Variants in KCNJ10 observed in about 807,000 individuals in gnomAD.
KCNJ10 encodes ATP-sensitive inward rectifier potassium channel 10.
In KCNJ10, 9 loss-of-function variants were observed where a neutral mutation model predicts 22.2. The ratio of observed to expected loss-of-function variants is 0.40; its 90% CI spans 0.24 to 0.71. KCNJ10 has a LOEUF of 0.71. KCNJ10 is among the 30% of genes least tolerant of loss of function. The pLI is 0.35. For synonymous variants in KCNJ10, 184 were observed against 187.3 expected (o/e 0.98, Z 0.15); for missense variants, 337 against 482.7 (o/e 0.70, Z 2.83).
Position 160,040,619 on chromosome 1 carries a change from A to G in KCNJ10, c.*774T>C, listed in dbSNP as rs1648578263. 1 of 398,704 alleles carries G rather than the reference A, an allele frequency of 2.5e-6. No homozygotes were observed. Among genetic ancestry groups the G allele is most frequent in the Non-Finnish European group, 4.4e-6 (1 of 226,228 alleles). 24.7% of individuals were successfully genotyped at this position (398,704 alleles called of 1,614,324 possible). ...TGGGCTGCCTGGAAGATAGGTTTAA[A>G]GGTTTAGATAACAACTTGTGTTAGT... On this transcript the variant is annotated 3_prime_UTR_variant, in exon 2 of 2. Coordinates refer to ENST00000644903, the MANE Select transcript of KCNJ10 (RefSeq NM_002241.5).
Position 160,040,533 on chromosome 1 carries a change from T to C in KCNJ10, c.*860A>G. 5.0e-6 allele frequency: 2 copies of C among 398,722 alleles called. No homozygotes were observed. The highest frequency in any genetic ancestry group is 8.8e-6 in the Non-Finnish European group (2 of 226,144). The allele number at this position is 398,722 out of a possible 1,614,324, so 24.7% of individuals were successfully genotyped here. A position where few individuals can be genotyped will look rare whatever the true frequency, so the allele number is the denominator to read the frequency against. The stretch of plus-strand genomic sequence containing the variant: ...ATGGGGCCTGGGTACTGGACTCTTT[T>C]CAAAGGAACATATTGGCTTGGGTCC... On this transcript the variant is annotated 3_prime_UTR_variant, in exon 2 of 2. Transcript: ENST00000644903.
chr1:160,054,276 G>A (rs1019656832), intron 1 of KCNJ10, among the ~76,000 whole-genome samples: 59 of 152,292 alleles, frequency 3.9e-4, no homozygotes, highest in African/African-American at 7.2e-4. Context: ...ACAGGAGCTG[G>A]TCCTTTGTGA....
At chr1:160,051,742 A>G (rs973388593) in intron 1 of KCNJ10, among the ~76,000 whole-genome samples, 1 of 151,960 alleles carries the variant, frequency 6.6e-6, no homozygotes, top group Non-Finnish European at 1.5e-5. Flanking sequence ...CTAGTTTTGC[A>G]TGATTTGTCT....
At chr1:160,043,878 C>T (rs777169455) in intron 1 of KCNJ10, among the ~76,000 whole-genome samples, 3 of 152,240 alleles carry the variant, frequency 2.0e-5, no homozygotes, top group African/African-American at 7.2e-5. Context: ...ATTTTAATCA[C>T]TTGAGCCCTT....
chr1:160,048,172 T>C (rs961860211), intron 1 of KCNJ10, among the ~76,000 whole-genome samples: 2 of 145,054 alleles, frequency 1.4e-5, no homozygotes, highest in Non-Finnish European at 3.0e-5. Context: ...GTGCCTAGTA[T>C]AGTTTGTTAA....
At chr1:160,043,193 A>T (rs1648652472) in intron 1 of KCNJ10, among the ~76,000 whole-genome samples, 1 of 151,520 alleles carries the variant, frequency 6.6e-6, no homozygotes, top group Non-Finnish European at 1.5e-5. Context: ...TTGAAATAGG[A>T]TCCATCCCCA....
chr1:160,052,775 A>G (rs1648933832), intron 1 of KCNJ10, among the ~76,000 whole-genome samples: 1 of 152,120 alleles, frequency 6.6e-6, no homozygotes, highest in Non-Finnish European at 1.5e-5. Flanking sequence ...TCGGATCTGT[A>G]TTTCCTTCAT....
rs533587041 is a variant in KCNJ10 at position 160,041,849 on chromosome 1, G to A, written c.684C>T (p.Asn228=). The A allele has an allele frequency of 4.2e-5, 67 of 1,614,218 alleles. 1 individual carries two copies. The South Asian group carries it at 6.8e-4, about 16-fold the overall frequency. Residue 228 remains asparagine (N), a synonymous_variant, in exon 2 of 2, where the codon AAC becomes AAT. Coordinates refer to ENST00000644903, the MANE Select transcript of KCNJ10 (RefSeq NM_002241.5). This position sits in a 1 kb window ranked among gnomAD's most constrained non-coding sequence, Gnocchi z 4.4. ...TCACATTGACCTGGTTGAGCCGGAT[G>A]TTCTCCCCTTCCTTGGTTTGGTGGG... ...LQTHQTKEGE[N]IRLNQVNVTF...
intron 1 of KCNJ10, among the ~76,000 whole-genome samples, chr1:160,056,749 G>A (rs1649044501): frequency 6.6e-6 from 1 of 152,174 alleles, no homozygotes; most frequent in Non-Finnish European, 1.5e-5. Context: ...AGTAAAGAGG[G>A]AGGAATTAGA....
intron 1 of KCNJ10, among the ~76,000 whole-genome samples, chr1:160,067,654 G>GT (rs1227001585): frequency 4.6e-5 from 7 of 152,122 alleles, no homozygotes; most frequent in South Asian, 2.1e-4. Flanking sequence ...GAGAGTGGAG[G>GT]TTTTTTTCTT....
At chr1:160,049,840 T>A (rs541645015) in intron 1 of KCNJ10, among the ~76,000 whole-genome samples, 56 of 151,234 alleles carry the variant, frequency 3.7e-4, no homozygotes, top group African/African-American at 1.4e-3. Context: ...CCAATCTAAC[T>A]GACTCCATCA....
intron 1 of KCNJ10, among the ~76,000 whole-genome samples, chr1:160,045,577 G>C (rs925998669): frequency 7.9e-5 from 12 of 152,188 alleles, no homozygotes; most frequent in Non-Finnish European, 1.8e-4. Context: ...TTATTCATGT[G>C]TTTTGATTGC....
At chr1:160,049,675 T>TTATTTTTATA (rs1283511580) in intron 1 of KCNJ10, among the ~76,000 whole-genome samples, 6 of 47,096 alleles carry the variant, frequency 1.3e-4, no homozygotes, top group Non-Finnish European at 2.5e-4. Flanking sequence ...TTTTATTTAT[T>TTATTTTTATA]TATATATATA....
At chr1:160,066,193 T>C (rs1649319456) in intron 1 of KCNJ10, among the ~76,000 whole-genome samples, 1 of 152,068 alleles carries the variant, frequency 6.6e-6, no homozygotes, top group South Asian at 2.1e-4. Context: ...ACCACTCAGT[T>C]CTCATTTATT....
At chr1:160,047,773 C>T (rs565452250) in intron 1 of KCNJ10, among the ~76,000 whole-genome samples, 5 of 152,108 alleles carry the variant, frequency 3.3e-5, no homozygotes, top group East Asian at 1.9e-4. Context: ...CACTCTGTTA[C>T]CCAGGCTGAA....
At chr1:160,043,270 AAAACACACACACACAC>A (rs1257258159) in intron 1 of KCNJ10, among the ~76,000 whole-genome samples, 3,099 of 24,052 alleles carry the variant, frequency 0.13, 110 homozygotes, top group African/African-American at 0.22. Flanking sequence ...AATCCCCCTT[AAAACACACACACACAC>A]ACACACACAC....
At chr1:160,044,206 T>C (rs531365827) in intron 1 of KCNJ10, among the ~76,000 whole-genome samples, 1 of 152,330 alleles carries the variant, frequency 6.6e-6, no homozygotes, top group East Asian at 1.9e-4. Flanking sequence ...TCACAGGCCA[T>C]TTGGAACTTC....
chr1:160,050,685 G>A (rs574623257), intron 1 of KCNJ10, among the ~76,000 whole-genome samples: 1 of 152,250 alleles, frequency 6.6e-6, no homozygotes, highest in Admixed American at 6.5e-5. Flanking sequence ...GAAATCCAGG[G>A]CCACCCAGGA....
At chr1:160,044,399 A>G (rs1648687108) in intron 1 of KCNJ10, among the ~76,000 whole-genome samples, 1 of 152,226 alleles carries the variant, frequency 6.6e-6, no homozygotes, top group South Asian at 2.1e-4. Flanking sequence ...TACTGCCTGT[A>G]TCTATATACC....
Sources: gnomAD v4.1 joint callset for allele counts (sites outside exome capture counted in the v4.1 genomes callset) on GRCh38, gnomAD v4.1.1 for gene constraint, Gnocchi (gnomAD v3.1) non-coding constraint, MANE v1.5 for transcripts, NCBI Gene and HGNC (gene_info 2026-07-23, HGNC 2026-07-21) for gene names.